The following CPNE4 variants were observed in gnomAD, a reference collection of about 807,000 sequenced individuals.
The protein encoded by CPNE4 is copine-4.
A neutral mutation model predicts 67.9 loss-of-function variants in CPNE4; 25 were observed. That is an observed-to-expected ratio of 0.37 (90% CI 0.27 to 0.51). The LOEUF (loss-of-function observed/expected upper bound fraction) is 0.51. Ranked by LOEUF, CPNE4 falls within the 20% of genes least tolerant of loss-of-function variation. CPNE4 has a pLI of 0.93. For missense variants in CPNE4, 464 were observed against 690.8 expected (o/e 0.67, Z 3.68); for synonymous variants, 242 against 244.9 (o/e 0.99, Z 0.11).
intron 1 of CPNE4, among the ~76,000 whole-genome samples, chr3:131,940,389 CTTGTT>C (rs536040398): frequency 1.1e-3 from 171 of 151,988 alleles, no homozygotes; most frequent in Non-Finnish European, 1.9e-3. Flanking sequence ...GTATTAGTAA[CTTGTT>C]TTGTCTTTAT....
At chr3:131,717,239 GTT>G (rs373100862) in intron 3 of CPNE4, among the ~76,000 whole-genome samples, 4 of 143,336 alleles carry the variant, frequency 2.8e-5, no homozygotes, top group African/African-American at 7.6e-5. Flanking sequence ...CTCAACAAAG[GTT>G]TTTTTTTTTT....
At chr3:131,673,767 A>T (rs545210044) in intron 6 of CPNE4, among the ~76,000 whole-genome samples, 49 of 152,168 alleles carry the variant, frequency 3.2e-4, no homozygotes, top group Non-Finnish European at 6.2e-4. Flanking sequence ...AACAAGTATA[A>T]ATTGACTTCT....
chr3:131,825,370 T>C (rs1187908542), intron 2 of CPNE4, among the ~76,000 whole-genome samples: 2 of 151,924 alleles, frequency 1.3e-5, no homozygotes, highest in Non-Finnish European at 2.9e-5. Flanking sequence ...GTGTTGTGTC[T>C]GTAATTCCAG....
chr3:131,796,098 C>G (rs1024119162), intron 2 of CPNE4, among the ~76,000 whole-genome samples: 1 of 152,036 alleles, frequency 6.6e-6, no homozygotes, highest in African/African-American at 2.4e-5. Flanking sequence ...GTGGACTCAG[C>G]ACCAAATAAG....
At chr3:131,974,811 C>A (rs1040917934) in intron 1 of CPNE4, among the ~76,000 whole-genome samples, 2 of 152,094 alleles carry the variant, frequency 1.3e-5, no homozygotes, top group South Asian at 2.1e-4. Flanking sequence ...AGTTCGAGAC[C>A]AGCCTGGGCA....
intron 1 of CPNE4, among the ~76,000 whole-genome samples, chr3:131,917,295 C>T (rs2070583989): frequency 6.6e-6 from 1 of 152,106 alleles, no homozygotes; most frequent in Non-Finnish European, 1.5e-5. Flanking sequence ...GCTAGTGTTG[C>T]TATGGATGAA....
intron 2 of CPNE4, among the ~76,000 whole-genome samples, chr3:131,879,353 T>C (rs1007798305): frequency 8.5e-5 from 13 of 152,210 alleles, no homozygotes; most frequent in African/African-American, 3.1e-4. Flanking sequence ...AGCTTCTCTA[T>C]CCTTCCCCAA....
intron 2 of CPNE4, among the ~76,000 whole-genome samples, chr3:131,743,422 G>C (rs2082402455): frequency 6.6e-6 from 1 of 152,030 alleles, no homozygotes; most frequent in African/African-American, 2.4e-5. Context: ...TTAATTTCAT[G>C]GTACAAGCAT....
intron 5 of CPNE4, among the ~76,000 whole-genome samples, chr3:131,690,512 T>C (rs1394248889): frequency 6.6e-6 from 1 of 152,206 alleles, no homozygotes; most frequent in African/African-American, 2.4e-5. Flanking sequence ...ACTTGACCCT[T>C]ACATTTCACC....
intron 7 of CPNE4, among the ~76,000 whole-genome samples, chr3:131,654,230 A>G (rs1441573135): frequency 6.6e-6 from 1 of 151,874 alleles, no homozygotes; most frequent in Non-Finnish European, 1.5e-5. Flanking sequence ...AAGATTAGCT[A>G]TGGGCTTCCT....
chr3:131,593,551 T>C (rs569778473), intron 7 of CPNE4, among the ~76,000 whole-genome samples: 2 of 152,344 alleles, frequency 1.3e-5, no homozygotes, highest in African/African-American at 4.8e-5. Context: ...CTTTATTAGA[T>C]CTAATAGTTT....
At chr3:131,604,875 C>G (rs1939408686) in intron 7 of CPNE4, among the ~76,000 whole-genome samples, 1 of 152,130 alleles carries the variant, frequency 6.6e-6, no homozygotes, top group Non-Finnish European at 1.5e-5. Flanking sequence ...GAGGTCACAA[C>G]TCCCCAATTT....
At chr3:131,877,637 T>C (rs1467114885) in intron 2 of CPNE4, among the ~76,000 whole-genome samples, 1 of 152,120 alleles carries the variant, frequency 6.6e-6, no homozygotes, top group Admixed American at 6.5e-5. Context: ...TGTAACAGTA[T>C]AAAGCTCCAC....
chr3:131,554,786 G>A (rs114409974), intron 12 of CPNE4, among the ~76,000 whole-genome samples: 74 of 152,148 alleles, frequency 4.9e-4, no homozygotes, highest in Non-Finnish European at 7.4e-4. Flanking sequence ...GCACTGGTAA[G>A]GTGGAGGCTG....
At chr3:131,874,312 T>A (rs2087345952) in intron 2 of CPNE4, among the ~76,000 whole-genome samples, 2 of 152,118 alleles carry the variant, frequency 1.3e-5, no homozygotes, top group South Asian at 4.1e-4. Flanking sequence ...ATGGTTTCAA[T>A]CTCCTGACCT....
intron 7 of CPNE4, among the ~76,000 whole-genome samples, chr3:131,652,375 G>C (rs2079835591): frequency 6.6e-6 from 1 of 152,148 alleles, no homozygotes. Flanking sequence ...TTGATCTGTA[G>C]TCTATTTCTT....
At chr3:131,773,344 T>TTTA (rs1314383415) in intron 2 of CPNE4, among the ~76,000 whole-genome samples, 11 of 75,058 alleles carry the variant, frequency 1.5e-4, no homozygotes, top group African/African-American at 2.0e-4. Flanking sequence ...TTAATGAAGT[T>TTTA]TTATTTATTA....
intron 1 of CPNE4, among the ~76,000 whole-genome samples, chr3:131,987,065 C>A (rs1435361130): frequency 6.6e-6 from 1 of 152,014 alleles, no homozygotes; most frequent in African/African-American, 2.4e-5. Context: ...AATGAATGCT[C>A]CATAAAAACA....
intron 2 of CPNE4, among the ~76,000 whole-genome samples, chr3:131,850,790 C>T (rs1057038274): frequency 9.2e-5 from 14 of 152,158 alleles, no homozygotes; most frequent in East Asian, 3.9e-4. Context: ...AATAATCCTA[C>T]GAGATTTTAT....
Sources: gnomAD v4.1 joint callset for allele counts (sites outside exome capture counted in the v4.1 genomes callset) on GRCh38, gnomAD v4.1.1 for gene constraint, MANE v1.5 for transcripts, NCBI Gene and HGNC (gene_info 2026-07-23, HGNC 2026-07-21) for gene names.